HACE1: variants seen among roughly 807,000 people sequenced by gnomAD.
The protein encoded by HACE1 is HECT domain and ankyrin repeat containing E3 ubiquitin protein ligase 1.
In HACE1, 73 loss-of-function variants were observed where a neutral mutation model predicts 118.4. The observed-to-expected ratio is 0.62, with a 90% confidence interval of 0.51 to 0.75. The LOEUF (loss-of-function observed/expected upper bound fraction) is 0.75, where lower values mean the gene tolerates loss of function less well. Ranked by LOEUF, HACE1 falls within the 30% of genes least tolerant of loss-of-function variation. The probability of loss-of-function intolerance (pLI) is 0.00; values close to 1 mark genes in which losing one functional copy is unlikely to be tolerated. For missense variants in HACE1, 749 were observed against 1,102.2 expected, an observed-to-expected ratio of 0.68 and a Z score of 4.54; for synonymous variants, 368 against 374.8, an observed-to-expected ratio of 0.98 and a Z score of 0.21.
intron 10 of HACE1, 69 bp downstream of exon 10, chr6:104,795,510 A>G (rs1783514119): frequency 1.1e-6 from 1 of 912,878 alleles, no homozygotes; most frequent in Non-Finnish European, 1.8e-6. Context: ...CCCACAGAAT[A>G]AACTACTCAG....
intron 4 of HACE1, among the ~76,000 whole-genome samples, chr6:104,844,434 C>T (rs1429658496): frequency 2.0e-5 from 3 of 151,394 alleles, no homozygotes; most frequent in African/African-American, 2.4e-5. Flanking sequence ...ACCTCCGCCT[C>T]CCAGGTTCAA....
At chr6:104,857,202 CAT>C (rs71003450) in intron 1 of HACE1, among the ~76,000 whole-genome samples, 20,172 of 144,916 alleles carry the variant, frequency 0.14, 1,406 homozygotes, top group Middle Eastern at 0.23. Context: ...TATATATTTA[CAT>C]ATATATATAT....
intron 6 of HACE1, among the ~76,000 whole-genome samples, chr6:104,824,392 T>G (rs745781309): frequency 6.6e-6 from 1 of 152,202 alleles, no homozygotes; most frequent in East Asian, 1.9e-4. Context: ...ACAACGGAGT[T>G]TCAAGACTCC....
intron 11 of HACE1, chr6:104,785,688 A>C: frequency 5.6e-6 from 1 of 180,166 alleles, no homozygotes; most frequent in Non-Finnish European, 1.2e-5. Flanking sequence ...TATTAATATG[A>C]TCAATGTCAA....
At position 104,737,609 on chromosome 6, in the gene HACE1, C is replaced by T. The variant is rs376505136; in HGVS notation, c.2513+6551G>A. On this transcript the variant is annotated intron_variant, in intron 22 of 23. Coordinates refer to ENST00000262903, the MANE Select transcript of HACE1 (RefSeq NM_020771.4). ...TCGGGTCACTCCCACCCGAATACTG[C>T]GCTTTTCCGATGGGCTTAAAAAACG... 3.3e-5 allele frequency among the ~76,000 whole-genome samples: 5 copies of T among 152,312 alleles called. No homozygotes were observed. In the South Asian group the frequency reaches 6.2e-4, roughly 19 times the overall value.
At chr6:104,832,119 C>G (rs1368950562) in intron 6 of HACE1, among the ~76,000 whole-genome samples, 1 of 152,116 alleles carries the variant, frequency 6.6e-6, no homozygotes, top group Admixed American at 6.5e-5. Flanking sequence ...CTGACTCATA[C>G]TATTAACCAG....
intron 7 of HACE1, 69 bp downstream of exon 7, chr6:104,811,242 T>TTATATATA: frequency 1.6e-5 from 3 of 186,320 alleles, no homozygotes; most frequent in Non-Finnish European, 1.9e-5. Flanking sequence ...ATTTCTTTAT[T>TTATATATA]TATACATATA....
chr6:104,832,638 A>C (rs1774125416), intron 6 of HACE1, among the ~76,000 whole-genome samples: 1 of 152,006 alleles, frequency 6.6e-6, no homozygotes, highest in Non-Finnish European at 1.5e-5. Flanking sequence ...AGATCCACCC[A>C]TCTCAGCCTC....
rs1780653717 is a variant in HACE1, at chr6:104,771,905, AAAT to A, written c.2014+17_2014+19del. The A allele has an allele frequency of 1.3e-6, 2 of 1,520,864 alleles. No homozygotes were observed. Among genetic ancestry groups the A allele is most frequent in the South Asian group, 2.3e-5 (2 of 88,566 alleles). The allele number at this position is 1,520,864 out of a possible 1,614,324, so 94.2% of individuals were successfully genotyped here. On this transcript the variant is annotated intron_variant, in intron 18 of 23. Transcript: ENST00000262903. ...AAACAATATAAATAAATGTCTGCAGAAATAATAATAGAGCCATACCAAGAATGT... is the reference window on the plus strand; with the variant it reads ...AAACAATATAAATAAATGTCTGCAGAAATAATAGAGCCATACCAAGAATGT...
At chr6:104,743,081 G>A (rs1337448645) in intron 22 of HACE1, among the ~76,000 whole-genome samples, 5 of 148,532 alleles carry the variant, frequency 3.4e-5, no homozygotes, top group Non-Finnish European at 7.4e-5. Context: ...CAAACACCGC[G>A]TATTCTCATT....
intron 19 of HACE1, among the ~76,000 whole-genome samples, chr6:104,761,054 C>T (rs556811972): frequency 2.0e-5 from 3 of 152,164 alleles, no homozygotes; most frequent in East Asian, 1.9e-4. Context: ...AGACAGGACA[C>T]GAACAAATGG....
intron 22 of HACE1, among the ~76,000 whole-genome samples, chr6:104,743,637 T>C (rs1010432315): frequency 4.6e-5 from 7 of 151,998 alleles, no homozygotes; most frequent in African/African-American, 1.7e-4. Flanking sequence ...TAATATCTAT[T>C]ATATTTAACT....
At chr6:104,774,284 G>A (rs1421803896) in intron 17 of HACE1, among the ~76,000 whole-genome samples, 1 of 130,210 alleles carries the variant, frequency 7.7e-6, no homozygotes, top group Non-Finnish European at 1.6e-5. Context: ...TAGAGACGGG[G>A]TTTCACCGTT....
chr6:104,848,897 A>T (rs544663160), intron 4 of HACE1, among the ~76,000 whole-genome samples: 5 of 152,344 alleles, frequency 3.3e-5, no homozygotes, highest in African/African-American at 1.2e-4. Flanking sequence ...GAATCTAATA[A>T]ATTAATAAAT....
chr6:104,838,498 T>C (rs1349249226), intron 5 of HACE1, among the ~76,000 whole-genome samples: 1 of 152,046 alleles, frequency 6.6e-6, no homozygotes, highest in Non-Finnish European at 1.5e-5. Flanking sequence ...GAAAACTGGA[T>C]ATCCATACAC....
At chr6:104,730,183 A>G in intron 23 of HACE1, 120 bp downstream of exon 23, 1 of 703,842 alleles carries the variant, frequency 1.4e-6, no homozygotes, top group South Asian at 1.5e-5. Flanking sequence ...GTGATTCCAA[A>G]ATCCTGGAGA....
At chr6:104,770,031 GTAT>G (rs1026788766) in intron 19 of HACE1, among the ~76,000 whole-genome samples, 3 of 152,032 alleles carry the variant, frequency 2.0e-5, no homozygotes, top group African/African-American at 7.2e-5. Context: ...TGTATGGGAG[GTAT>G]TATTATTCCA....
chr6:104,762,478 T>A (rs1779470152), intron 19 of HACE1, among the ~76,000 whole-genome samples: 1 of 151,942 alleles, frequency 6.6e-6, no homozygotes, highest in Admixed American at 6.6e-5. Flanking sequence ...ATGTTCTCAC[T>A]CACAAGTGAG....
chr6:104,818,435 T>C (rs994069738), intron 6 of HACE1, among the ~76,000 whole-genome samples: 7 of 152,020 alleles, frequency 4.6e-5, no homozygotes, highest in Admixed American at 3.9e-4. Context: ...CCAGATGAAT[T>C]CACAGCTGAA....
Sources: allele counts gnomAD v4.1 joint callset (sites outside exome capture counted in the v4.1 genomes callset), GRCh38; gene constraint gnomAD v4.1.1; transcripts MANE v1.5; gene names NCBI Gene and HGNC (gene_info 2026-07-23, HGNC 2026-07-21).